The following CEP63 variants were observed in gnomAD, a reference collection of about 807,000 sequenced individuals.
CEP63 encodes the protein centrosomal protein 63.
Under a neutral mutation model 89.1 loss-of-function variants are expected in CEP63, and 84 were observed. That is an observed-to-expected ratio of 0.94 (90% CI 0.79 to 1.13). The LOEUF (loss-of-function observed/expected upper bound fraction) is 1.13. Ranked by LOEUF, CEP63 falls within the 50% of genes most tolerant of loss-of-function variation. CEP63 has a pLI of 0.00. For missense variants in CEP63, 838 were observed against 813.3 expected (o/e 1.03, Z -0.37); for synonymous variants, 267 against 272.5 (o/e 0.98, Z 0.20).
chr3:134,721,710 A>G, the CEP63 span, among the ~76,000 whole-genome samples: 1 of 148,858 alleles, frequency 6.7e-6, no homozygotes, highest in Non-Finnish European at 1.5e-5. Flanking sequence ...AATGCCTTTT[A>G]TGCATTTATT....
intron 3 of CEP63, among the ~76,000 whole-genome samples, chr3:134,512,816 A>G (rs1395825299): frequency 6.6e-6 from 1 of 152,210 alleles, no homozygotes; most frequent in Non-Finnish European, 1.5e-5. Context: ...TTGTTAGATT[A>G]ATATTCAGTA....
chr3:134,709,229 A>C, the CEP63 span, among the ~76,000 whole-genome samples: 14 of 152,164 alleles, frequency 9.2e-5, no homozygotes, highest in African/African-American at 3.4e-4. Context: ...GTGTGGCTTC[A>C]GTTCTCATAG....
At chr3:134,525,753 T>C (rs1470099159) in intron 3 of CEP63, among the ~76,000 whole-genome samples, 1 of 152,232 alleles carries the variant, frequency 6.6e-6, no homozygotes. Context: ...TTTAAGAATG[T>C]TGAATATGCC....
In CEP63 at chr3:134,562,343, C is replaced by A; in HGVS notation, c.*808C>A. The A allele has an allele frequency of 2.3e-6, 1 of 433,460 alleles. No individual in the cohort carries two copies. Among genetic ancestry groups the A allele is most frequent in the Non-Finnish European group, 3.1e-6 (1 of 325,366 alleles). 26.9% of individuals were successfully genotyped at this position (433,460 alleles called of 1,614,324 possible). ...GAGGAGCAGGAGGCTGGGTTTGGGGCCCTGAAAGATGCCAGCATCTGAGGA... is the reference window on the plus strand; with the variant it reads ...GAGGAGCAGGAGGCTGGGTTTGGGGACCTGAAAGATGCCAGCATCTGAGGA... On this transcript the variant is annotated 3_prime_UTR_variant, in exon 15 of 15. Coordinates refer to ENST00000675561, the MANE Select transcript of CEP63 (RefSeq NM_001353108.3).
intron 3 of CEP63, among the ~76,000 whole-genome samples, chr3:134,517,651 A>G (rs186778274): frequency 6.6e-6 from 1 of 152,348 alleles, no homozygotes; most frequent in East Asian, 1.9e-4. Flanking sequence ...AAGTTAGAAA[A>G]AGATAACTTG....
At chr3:134,645,273 G>A in the CEP63 span, among the ~76,000 whole-genome samples, 1 of 152,192 alleles carries the variant, frequency 6.6e-6, no homozygotes, top group Non-Finnish European at 1.5e-5. Context: ...GCTTCGAAAA[G>A]TTTGGAGCTC....
the CEP63 span, among the ~76,000 whole-genome samples, chr3:134,724,625 C>T: frequency 3.9e-5 from 6 of 152,166 alleles, no homozygotes; most frequent in South Asian, 2.1e-4. Flanking sequence ...CATATAAAAT[C>T]GTAAGTGATA....
the CEP63 span, chr3:134,628,185 G>A: frequency 6.8e-5 from 18 of 265,936 alleles, no homozygotes; most frequent in Non-Finnish European, 1.2e-4. Context: ...AGATAATGCC[G>A]GGATAAGAAC....
chr3:134,652,862 A>G, the CEP63 span, among the ~76,000 whole-genome samples: 1 of 152,190 alleles, frequency 6.6e-6, no homozygotes, highest in South Asian at 2.1e-4. Flanking sequence ...GAAATCAACT[A>G]GAAGCCTGTG....
the CEP63 span, chr3:134,625,017 G>A: frequency 1.3e-6 from 2 of 1,553,620 alleles, no homozygotes; most frequent in Non-Finnish European, 1.7e-6. Context: ...AAGCCACCTT[G>A]AAGGGGCCCA....
At chr3:134,647,714 G>A in the CEP63 span, among the ~76,000 whole-genome samples, 1 of 152,202 alleles carries the variant, frequency 6.6e-6, no homozygotes, top group Admixed American at 6.5e-5. Context: ...AGGGCAGCAG[G>A]GTTGGTTATC....
chr3:134,584,261 C>T (rs1398426748), intron 10 of CEP63, among the ~76,000 whole-genome samples: 1 of 152,158 alleles, frequency 6.6e-6, no homozygotes, highest in African/African-American at 2.4e-5. Context: ...TGCCAGTTTG[C>T]AAAGGGAATG....
rs768123170 is a variant in CEP63 at position 134,539,480 on chromosome 3, T to A, written c.555+2212T>A. The stretch of plus-strand genomic sequence containing the variant: ...AAAATAACAATATATCAGTATCACA[T>A]TAATAGAATAATAACTTCTTAATAT... On this transcript the variant is annotated intron_variant, in intron 6 of 14. Coordinates refer to ENST00000675561, the MANE Select transcript of CEP63 (RefSeq NM_001353108.3). 6.1e-4 allele frequency among the ~76,000 whole-genome samples: 93 copies of A among 152,194 alleles called. 1 individual carries two copies. The highest frequency in any genetic ancestry group is 1.0e-3 in the South Asian group (5 of 4,834).
At chr3:134,651,041 G>C in the CEP63 span, 2 of 1,587,272 alleles carry the variant, frequency 1.3e-6, no homozygotes, top group South Asian at 2.3e-5. Context: ...GCGCGCAGCT[G>C]CCCCACACGG....
At chr3:134,683,461 T>C in the CEP63 span, among the ~76,000 whole-genome samples, 7 of 152,246 alleles carry the variant, frequency 4.6e-5, no homozygotes, top group African/African-American at 1.7e-4. Flanking sequence ...TTAGGAATGA[T>C]TTAAGTATTT....
At chr3:134,572,006 C>T (rs572683261) in intron 11 of CEP63, among the ~76,000 whole-genome samples, 1 of 152,318 alleles carries the variant, frequency 6.6e-6, no homozygotes, top group South Asian at 2.1e-4. Flanking sequence ...AAGAAAAGTA[C>T]ATTTCAGTCA....
chr3:134,695,685 T>A, the CEP63 span, among the ~76,000 whole-genome samples: 1 of 152,216 alleles, frequency 6.6e-6, no homozygotes, highest in East Asian at 1.9e-4. Flanking sequence ...CTGGTGCACA[T>A]GCCTCTCTAC....
At chr3:134,491,142 C>T (rs1937478042) in intron 1 of CEP63, among the ~76,000 whole-genome samples, 1 of 152,178 alleles carries the variant, frequency 6.6e-6, no homozygotes, top group South Asian at 2.1e-4. Context: ...TTAGGTATTA[C>T]CAAAGTCTCC....
the CEP63 span, among the ~76,000 whole-genome samples, chr3:134,693,760 GA>G: frequency 6.6e-6 from 1 of 152,180 alleles, no homozygotes; most frequent in Admixed American, 6.5e-5. Flanking sequence ...AAAGAACGTA[GA>G]GAACCTGAGT....
Sources: gnomAD v4.1 joint callset for allele counts (sites outside exome capture counted in the v4.1 genomes callset) on GRCh38, gnomAD v4.1.1 for gene constraint, MANE v1.5 for transcripts, NCBI Gene and HGNC (gene_info 2026-07-23, HGNC 2026-07-21) for gene names.